Variants in MAF observed in about 807,000 individuals in gnomAD.
MAF encodes transcription factor Maf.
A neutral mutation model predicts 22.0 loss-of-function variants in MAF; 10 were observed. The observed-to-expected ratio is 0.45, with a 90% CI of 0.28 to 0.77. The LOEUF (loss-of-function observed/expected upper bound fraction) is 0.77. Ranked by LOEUF, MAF falls within the 30% of genes least tolerant of loss-of-function variation. The probability of loss-of-function intolerance (pLI) is 0.12; values close to 1 mark genes in which losing one functional copy is unlikely to be tolerated. For missense variants in MAF, 544 were observed against 548.4 expected (o/e 0.99, Z 0.08); for synonymous variants, 337 against 255.8 (o/e 1.32, Z -3.03).
At chr16:79,590,239 G>A (rs900135827), downstream of MAF, among the ~76,000 whole-genome samples, 106 of 152,216 alleles carry the variant, frequency 7.0e-4, no homozygotes, top group African/African-American at 2.4e-3. Flanking sequence ...ATGGAGGGAG[G>A]GTTGTTCTTA....
chr16:79,529,970 A>C, the MAF span, among the ~76,000 whole-genome samples: 380 of 152,216 alleles, frequency 2.5e-3, no homozygotes, highest in Non-Finnish European at 4.0e-3. Flanking sequence ...TCAAAAAAAA[A>C]AAAAATGTTA....
At chr16:79,287,529 G>A in the MAF span, among the ~76,000 whole-genome samples, 1 of 152,198 alleles carries the variant, frequency 6.6e-6, no homozygotes, top group Non-Finnish European at 1.5e-5. Context: ...CAAACCCTGA[G>A]TCCTGCCATG....
At chr16:79,291,296 TG>T in the MAF span, among the ~76,000 whole-genome samples, 1 of 152,090 alleles carries the variant, frequency 6.6e-6, no homozygotes, top group Non-Finnish European at 1.5e-5. Flanking sequence ...GTTTGGACAG[TG>T]GGAGGTGCTG....
At chr16:79,581,657 G>A (rs141060719), downstream of MAF, among the ~76,000 whole-genome samples, 149 of 149,378 alleles carry the variant, frequency 1.0e-3, no homozygotes, top group Admixed American at 4.1e-3. Context: ...AAAAGAAATC[G>A]TCACCACTGC....
At chr16:79,324,928 C>T in the MAF span, among the ~76,000 whole-genome samples, 1 of 152,104 alleles carries the variant, frequency 6.6e-6, no homozygotes, top group Non-Finnish European at 1.5e-5. Context: ...CCTCTTTGAG[C>T]TTCTGGTGGT....
chr16:79,581,529 G>C (rs541668557), downstream of MAF, among the ~76,000 whole-genome samples: 60 of 152,342 alleles, frequency 3.9e-4, no homozygotes, highest in African/African-American at 1.4e-3. Flanking sequence ...CCAATTTAAA[G>C]GAAGAGCGAC....
chr16:79,412,682 G>A, the MAF span, among the ~76,000 whole-genome samples: 16 of 152,158 alleles, frequency 1.1e-4, no homozygotes, highest in East Asian at 3.9e-4. Context: ...AATGGGGATC[G>A]CAGTTCCTGT....
At chr16:79,382,012 C>T in the MAF span, among the ~76,000 whole-genome samples, 199 of 152,264 alleles carry the variant, frequency 1.3e-3, no homozygotes, top group Non-Finnish European at 2.2e-3. Context: ...AGACATCCTC[C>T]GCTGCTTCTC....
chr16:79,372,578 G>A, the MAF span, among the ~76,000 whole-genome samples: 10 of 152,322 alleles, frequency 6.6e-5, no homozygotes, highest in East Asian at 5.8e-4. Flanking sequence ...TGTCTTAGCC[G>A]TGGTGACCTA....
At chr16:79,299,353 A>G in the MAF span, among the ~76,000 whole-genome samples, 2 of 151,118 alleles carry the variant, frequency 1.3e-5, no homozygotes, top group African/African-American at 4.9e-5. Flanking sequence ...AAAAGAAAAA[A>G]AAAAAAAAAG....
the MAF span, among the ~76,000 whole-genome samples, chr16:79,398,228 T>C: frequency 6.6e-6 from 1 of 152,198 alleles, no homozygotes; most frequent in African/African-American, 2.4e-5. Flanking sequence ...TGCCACTTTC[T>C]TATAAGGACC....
the MAF span, among the ~76,000 whole-genome samples, chr16:79,390,512 T>G: frequency 6.6e-6 from 1 of 152,218 alleles, no homozygotes; most frequent in Non-Finnish European, 1.5e-5. Flanking sequence ...AGCTTTAAGC[T>G]TTTAAAAATG....
chr16:79,464,186 C>T, the MAF span, among the ~76,000 whole-genome samples: 1 of 152,126 alleles, frequency 6.6e-6, no homozygotes. Flanking sequence ...CAAATTTAAA[C>T]ATTAATTTTG....
At chr16:79,364,483 G>A in the MAF span, among the ~76,000 whole-genome samples, 1 of 152,196 alleles carries the variant, frequency 6.6e-6, no homozygotes, top group Non-Finnish European at 1.5e-5. Flanking sequence ...ACCACAGGAA[G>A]AGGAACGGTC....
At chr16:79,512,664 G>C in the MAF span, among the ~76,000 whole-genome samples, 1 of 152,148 alleles carries the variant, frequency 6.6e-6, no homozygotes, top group Non-Finnish European at 1.5e-5. Context: ...CTGTTTAATA[G>C]CTCCCAGATC....
chr16:79,399,248 T>C, the MAF span, among the ~76,000 whole-genome samples: 10 of 152,152 alleles, frequency 6.6e-5, no homozygotes, highest in Non-Finnish European at 1.5e-4. Flanking sequence ...AAGATAGCAT[T>C]ATGGGCTGTG....
At chr16:79,289,892 A>T in the MAF span, among the ~76,000 whole-genome samples, 1 of 114,380 alleles carries the variant, frequency 8.7e-6, no homozygotes, top group Non-Finnish European at 1.7e-5. Context: ...TTGCTCTGTC[A>T]CCTGGCTGGA....
the MAF span, among the ~76,000 whole-genome samples, chr16:79,382,082 G>C: frequency 6.6e-6 from 1 of 152,204 alleles, no homozygotes; most frequent in African/African-American, 2.4e-5. Context: ...TCTTACAGGG[G>C]AGCTTTCAAC....
chr16:79,431,561 T>C, the MAF span, among the ~76,000 whole-genome samples: 4 of 152,234 alleles, frequency 2.6e-5, no homozygotes, highest in Admixed American at 6.5e-5. Context: ...AGTTTCTCTA[T>C]ATTCAAAGAA....
Sources: allele counts gnomAD v4.1 joint callset (sites outside exome capture counted in the v4.1 genomes callset), GRCh38; gene constraint gnomAD v4.1.1; transcripts MANE v1.5; gene names NCBI Gene and HGNC (gene_info 2026-07-23, HGNC 2026-07-21).